Variants in NPAS3 observed in about 807,000 individuals in gnomAD.
The protein encoded by NPAS3 is neuronal PAS domain-containing protein 3.
NPAS3 carries 14 observed loss-of-function variants against 73.1 expected under a neutral mutation model. The ratio of observed to expected loss-of-function variants is 0.19; its 90% confidence interval spans 0.13 to 0.30. The LOEUF is 0.30. NPAS3 is among the 10% of genes least tolerant of loss of function. NPAS3 has a pLI of 1.00. For synonymous variants in NPAS3, 620 were observed against 541.5 expected (o/e 1.14, Z -2.01); for missense variants, 1,096 against 1,250.0 (o/e 0.88, Z 1.86).
At chr14:33,576,576 A>T (rs561883414) in intron 5 of NPAS3, among the ~76,000 whole-genome samples, 5 of 152,234 alleles carry the variant, frequency 3.3e-5, no homozygotes, top group Non-Finnish European at 5.9e-5. Context: ...TTGGTTCTGT[A>T]CATTAAGTAA....
At chr14:33,490,295 T>C (rs556628939) in intron 4 of NPAS3, among the ~76,000 whole-genome samples, 40 of 152,310 alleles carry the variant, frequency 2.6e-4, no homozygotes, top group Non-Finnish European at 5.0e-4. Flanking sequence ...TACTAAATAA[T>C]TACCTTATGA....
intron 4 of NPAS3, among the ~76,000 whole-genome samples, chr14:33,490,531 G>C (rs1475479836): frequency 3.3e-5 from 5 of 152,136 alleles, no homozygotes; most frequent in African/African-American, 9.7e-5. Context: ...GAGATGGTTA[G>C]ATATTCCATA....
At chr14:32,968,687 G>A (rs570215575) in intron 1 of NPAS3, among the ~76,000 whole-genome samples, 44 of 152,150 alleles carry the variant, frequency 2.9e-4, no homozygotes, top group African/African-American at 9.9e-4. Flanking sequence ...AGGAATCTTG[G>A]AGTGCTTGCC....
chr14:33,620,952 A>C (rs1294620685), intron 5 of NPAS3, among the ~76,000 whole-genome samples: 1 of 152,170 alleles, frequency 6.6e-6, no homozygotes, highest in Non-Finnish European at 1.5e-5. Flanking sequence ...AAGTCTGGCC[A>C]GATATGAAAA....
intron 1 of NPAS3, among the ~76,000 whole-genome samples, chr14:32,959,973 T>C (rs1035402679): frequency 8.1e-5 from 11 of 136,142 alleles, no homozygotes; most frequent in Non-Finnish European, 1.5e-4. Flanking sequence ...TATGTGAGTT[T>C]CAATTTTTTT....
At chr14:33,090,450 A>C (rs568609237) in intron 2 of NPAS3, among the ~76,000 whole-genome samples, 2 of 152,354 alleles carry the variant, frequency 1.3e-5, no homozygotes, top group South Asian at 2.1e-4. Flanking sequence ...AGAGCTAACT[A>C]TCCTAAATAC....
At chr14:33,126,163 C>T (rs1566587303) in intron 2 of NPAS3, among the ~76,000 whole-genome samples, 1 of 152,136 alleles carries the variant, frequency 6.6e-6, no homozygotes, top group Non-Finnish European at 1.5e-5. Flanking sequence ...AAAAATTAAT[C>T]GACTTTTCAG....
At chr14:33,109,891 C>T (rs896499541) in intron 2 of NPAS3, among the ~76,000 whole-genome samples, 4 of 144,710 alleles carry the variant, frequency 2.8e-5, no homozygotes, top group African/African-American at 1.0e-4. Flanking sequence ...CAAACTCTGC[C>T]TCCTGGGCTT....
At chr14:33,435,425 A>G (rs2048948165) in intron 4 of NPAS3, among the ~76,000 whole-genome samples, 1 of 152,128 alleles carries the variant, frequency 6.6e-6, no homozygotes, top group African/African-American at 2.4e-5. Flanking sequence ...TGTACATAAA[A>G]CCCAAGTTAA....
At chr14:33,538,191 T>C (rs1340536746) in intron 4 of NPAS3, among the ~76,000 whole-genome samples, 1 of 152,162 alleles carries the variant, frequency 6.6e-6, no homozygotes, top group Admixed American at 6.6e-5. Flanking sequence ...TCAGCCCCAC[T>C]TTAAGGACCC....
chr14:33,521,513 T>TAAAAA (rs35106729), intron 4 of NPAS3, among the ~76,000 whole-genome samples: 2 of 133,054 alleles, frequency 1.5e-5, no homozygotes, highest in African/African-American at 2.7e-5. Context: ...TGATCTGCTT[T>TAAAAA]AAAAAAAAAA....
intron 3 of NPAS3, among the ~76,000 whole-genome samples, chr14:33,240,676 G>C (rs146211109): frequency 6.6e-6 from 1 of 151,710 alleles, no homozygotes. Flanking sequence ...AGACCACATC[G>C]CTCCCTTTCA....
intron 6 of NPAS3, among the ~76,000 whole-genome samples, chr14:33,721,288 G>A (rs17410241): frequency 0.42 from 63,951 of 151,964 alleles, 14,418 homozygotes; most frequent in Non-Finnish European, 0.51. Context: ...TAGAGAAAAG[G>A]TTGTAGATAT....
chr14:33,613,522 C>G (rs1022479933), intron 5 of NPAS3, among the ~76,000 whole-genome samples: 1 of 152,126 alleles, frequency 6.6e-6, no homozygotes. Flanking sequence ...TGAGGCTTCC[C>G]CTCTCTTCTC....
chr14:32,977,707 G>GT (rs1410570490), intron 1 of NPAS3, among the ~76,000 whole-genome samples: 2 of 100,048 alleles, frequency 2.0e-5, no homozygotes, highest in Non-Finnish European at 2.9e-5. Flanking sequence ...GCTCCAGCCT[G>GT]GGTGACAGCA....
chr14:33,073,059 T>C (rs181726583), intron 2 of NPAS3, among the ~76,000 whole-genome samples: 2 of 152,200 alleles, frequency 1.3e-5, no homozygotes, highest in Non-Finnish European at 2.9e-5. Flanking sequence ...CCATCACTGC[T>C]GGGTTTTAAT....
At chr14:33,526,913 T>C (rs189835053) in intron 4 of NPAS3, among the ~76,000 whole-genome samples, 16 of 152,258 alleles carry the variant, frequency 1.1e-4, no homozygotes, top group Middle Eastern at 6.8e-3. Flanking sequence ...ATTTCTGTTA[T>C]GAGAACAAGG....
At chr14:33,509,895 T>C (rs1399651754) in intron 4 of NPAS3, among the ~76,000 whole-genome samples, 1 of 152,082 alleles carries the variant, frequency 6.6e-6, no homozygotes, top group Non-Finnish European at 1.5e-5. Context: ...TAAGAGTTGT[T>C]GTGATTCCTG....
intron 4 of NPAS3, among the ~76,000 whole-genome samples, chr14:33,557,347 A>G (rs1054205736): frequency 6.6e-6 from 1 of 152,176 alleles, no homozygotes; most frequent in Non-Finnish European, 1.5e-5. Flanking sequence ...TGTGGAAGTA[A>G]CTTAAGTAAT....
Sources: allele counts gnomAD v4.1 joint callset (sites outside exome capture counted in the v4.1 genomes callset), GRCh38; gene constraint gnomAD v4.1.1; transcripts MANE v1.5; gene names NCBI Gene and HGNC (gene_info 2026-07-23, HGNC 2026-07-21).